L3MBTL4: variants seen among roughly 807,000 people sequenced by gnomAD.
The protein encoded by L3MBTL4 is L3MBTL histone methyl-lysine binding protein 4, also known as lethal(3)malignant brain tumor-like protein 4.
A neutral mutation model predicts 84.5 loss-of-function variants in L3MBTL4; 70 were observed. That is an observed-to-expected ratio of 0.83 (90% CI 0.68 to 1.01). The LOEUF is 1.01. Among genes scored for constraint, L3MBTL4 ranks in the 50% least tolerant of loss-of-function variants. L3MBTL4 has a pLI of 0.00. For synonymous variants in L3MBTL4, 274 were observed against 259.8 expected (o/e 1.05, Z -0.52); for missense variants, 715 against 754.8 (o/e 0.95, Z 0.62).
At chr18:6,102,645 A>T (rs866512960) in intron 14 of L3MBTL4, among the ~76,000 whole-genome samples, 1 of 152,328 alleles carries the variant, frequency 6.6e-6, no homozygotes, top group South Asian at 2.1e-4. Flanking sequence ...AATATTCACA[A>T]ATTTGAAAGT....
intron 14 of L3MBTL4, among the ~76,000 whole-genome samples, chr18:6,132,423 G>T (rs1429408558): frequency 6.6e-6 from 1 of 152,054 alleles, no homozygotes; most frequent in Admixed American, 6.6e-5. Flanking sequence ...TAATAATGAG[G>T]TCTGGAACTG....
intron 16 of L3MBTL4, 129 bp from the exon 17 acceptor site, chr18:5,969,691 T>A: frequency 1.2e-6 from 1 of 828,808 alleles, no homozygotes; most frequent in Non-Finnish European, 1.8e-6. Flanking sequence ...CCGCGTCTTC[T>A]GATCGTACAG....
At chr18:6,167,312 C>A (rs1472818481) in intron 13 of L3MBTL4, among the ~76,000 whole-genome samples, 1 of 152,188 alleles carries the variant, frequency 6.6e-6, no homozygotes, top group African/African-American at 2.4e-5. Context: ...AGGGAATCCT[C>A]CCTAACTCAT....
At chr18:6,143,174 C>T (rs1004508029) in intron 13 of L3MBTL4, among the ~76,000 whole-genome samples, 3 of 152,132 alleles carry the variant, frequency 2.0e-5, no homozygotes, top group African/African-American at 7.2e-5. Flanking sequence ...GTTTTCAGTA[C>T]TATTTTAATG....
intron 9 of L3MBTL4, 74 bp downstream of exon 9, chr18:6,239,644 G>A: frequency 6.8e-7 from 1 of 1,473,282 alleles, no homozygotes; most frequent in Non-Finnish European, 9.3e-7. Flanking sequence ...AACAGCAACA[G>A]TGCTAGAATG....
chr18:6,268,565 A>T (rs1031978538), intron 4 of L3MBTL4, among the ~76,000 whole-genome samples: 18 of 152,206 alleles, frequency 1.2e-4, no homozygotes, highest in Non-Finnish European at 2.4e-4. Context: ...TTCAGTCACT[A>T]AATTTATTTT....
chr18:6,275,869 TCA>T (rs2049058737), intron 4 of L3MBTL4, among the ~76,000 whole-genome samples: 1 of 152,124 alleles, frequency 6.6e-6, no homozygotes, highest in Non-Finnish European at 1.5e-5. Context: ...GACCCCACAA[TCA>T]CTAAGCCAAA....
chr18:6,143,313 T>C (rs73381926), intron 13 of L3MBTL4, among the ~76,000 whole-genome samples: 20 of 152,082 alleles, frequency 1.3e-4, no homozygotes, highest in African/African-American at 3.6e-4. Flanking sequence ...ACCTCAACTA[T>C]GGGAGAAGAG....
At chr18:6,317,000 C>T (rs926175619) in intron 1 of L3MBTL4, among the ~76,000 whole-genome samples, 3 of 134,790 alleles carry the variant, frequency 2.2e-5, no homozygotes, top group Admixed American at 7.3e-5. Flanking sequence ...AATACTGGTA[C>T]AAAATAAATA....
At chr18:5,983,496 T>G in intron 16 of L3MBTL4, among the ~76,000 whole-genome samples, 1 of 151,096 alleles carries the variant, frequency 6.6e-6, no homozygotes, top group African/African-American at 2.5e-5. Flanking sequence ...TTTGTGTGGG[T>G]GGGGATTAAA....
intron 18 of L3MBTL4, among the ~76,000 whole-genome samples, chr18:5,956,846 G>T (rs187951405): frequency 6.6e-6 from 1 of 152,222 alleles, no homozygotes; most frequent in Non-Finnish European, 1.5e-5. Context: ...TAATACTATA[G>T]TCAGAGTGGG....
chr18:6,302,301 C>G (rs1262674450), intron 3 of L3MBTL4, among the ~76,000 whole-genome samples: 1 of 152,216 alleles, frequency 6.6e-6, no homozygotes, highest in Non-Finnish European at 1.5e-5. Flanking sequence ...TTGGTCCTCA[C>G]CGAAGCCAAG....
intron 16 of L3MBTL4, among the ~76,000 whole-genome samples, chr18:6,033,089 AT>A (rs2065318758): frequency 6.6e-6 from 1 of 152,176 alleles, no homozygotes; most frequent in Non-Finnish European, 1.5e-5. Context: ...TTTTCCATCC[AT>A]TATTACCATA....
At chr18:6,020,772 C>A (rs955471764) in intron 16 of L3MBTL4, among the ~76,000 whole-genome samples, 1 of 152,048 alleles carries the variant, frequency 6.6e-6, no homozygotes, top group African/African-American at 2.4e-5. Flanking sequence ...GATGGTGGAG[C>A]CATTTTCTGA....
At chr18:6,101,636 T>A (rs7226446) in intron 14 of L3MBTL4, among the ~76,000 whole-genome samples, 38,523 of 152,152 alleles carry the variant, frequency 0.25, 6,892 homozygotes, top group African/African-American at 0.51. Flanking sequence ...CAGTTTCCTC[T>A]GCTGCAACCT....
intron 13 of L3MBTL4, among the ~76,000 whole-genome samples, chr18:6,141,158 T>C (rs1202207439): frequency 1.3e-5 from 2 of 151,780 alleles, no homozygotes; most frequent in African/African-American, 4.8e-5. Flanking sequence ...AGGATGTAGT[T>C]CAATATATAG....
At position 6,078,284 on chromosome 18, in the gene L3MBTL4, G is replaced by A. The variant is rs369957432; in HGVS notation, c.1444+2597C>T. 8.9e-4 allele frequency among the ~76,000 whole-genome samples: 134 copies of A among 151,224 alleles called. 2 individuals carry two copies. In the South Asian group the frequency reaches 0.027, roughly 31 times the overall value. On this transcript the variant is annotated intron_variant, in intron 16 of 18. Transcript: ENST00000317931. ...TCTGCTAAACTACAAAAAGTTAGCCGGATGTGGCGGTGTGAGCCTGTAATC... is the reference window on the plus strand; with the variant it reads ...TCTGCTAAACTACAAAAAGTTAGCCAGATGTGGCGGTGTGAGCCTGTAATC...
At chr18:5,973,344 G>A (rs563389931) in intron 16 of L3MBTL4, among the ~76,000 whole-genome samples, 2 of 152,320 alleles carry the variant, frequency 1.3e-5, no homozygotes, top group East Asian at 1.9e-4. Flanking sequence ...GCCTGTTGCC[G>A]ATGTGTGGCA....
At chr18:6,071,761 A>AAAAAAAG in intron 16 of L3MBTL4, among the ~76,000 whole-genome samples, 1 of 92,200 alleles carries the variant, frequency 1.1e-5, no homozygotes, top group East Asian at 5.1e-4. Context: ...AAGAAAGAAA[A>AAAAAAAG]AAAGAAAGAA....
Sources: gnomAD v4.1 joint callset for allele counts (sites outside exome capture counted in the v4.1 genomes callset) on GRCh38, gnomAD v4.1.1 for gene constraint, MANE v1.5 for transcripts, NCBI Gene and HGNC (gene_info 2026-07-23, HGNC 2026-07-21) for gene names.